Variants in TGFBR2 observed in about 807,000 individuals in gnomAD.
The protein encoded by TGFBR2 is transforming growth factor beta receptor 2.
In TGFBR2, 18 loss-of-function variants were observed where a neutral mutation model predicts 49.0. That is an observed-to-expected ratio of 0.37 (90% CI 0.25 to 0.54). TGFBR2 has a LOEUF of 0.54. Among genes scored for constraint, TGFBR2 ranks in the 20% least tolerant of loss-of-function variants. The probability of loss-of-function intolerance (pLI) is 0.85; values close to 1 mark genes in which losing one functional copy is unlikely to be tolerated. For synonymous variants in TGFBR2, 282 were observed against 275.9 expected, an observed-to-expected ratio of 1.02 and a Z score of -0.22; for missense variants, 525 against 722.6, an observed-to-expected ratio of 0.73 and a Z score of 3.13.
intron 3 of TGFBR2, among the ~76,000 whole-genome samples, chr3:30,657,408 G>T (rs76180082): frequency 2.0e-5 from 3 of 152,154 alleles, no homozygotes; most frequent in Non-Finnish European, 4.4e-5. Context: ...ATGCTCATCT[G>T]TTGGGAAGAC....
chr3:30,641,239 A>G (rs2125401657), intron 1 of TGFBR2, among the ~76,000 whole-genome samples: 1 of 152,262 alleles, frequency 6.6e-6, no homozygotes, highest in South Asian at 2.1e-4. Flanking sequence ...CCAACTCCAA[A>G]GTGTGTTCAT....
At chr3:30,657,075 G>T (rs1575150097) in intron 3 of TGFBR2, among the ~76,000 whole-genome samples, 1 of 152,210 alleles carries the variant, frequency 6.6e-6, no homozygotes, top group East Asian at 1.9e-4. Flanking sequence ...TGGGTCTCCA[G>T]AGAGGAGCTG....
chr3:30,675,877 G>A (rs1293999258), intron 5 of TGFBR2, among the ~76,000 whole-genome samples: 2 of 152,120 alleles, frequency 1.3e-5, no homozygotes, highest in African/African-American at 4.8e-5. Flanking sequence ...ATACGTATTT[G>A]TACTTCCAAG....
At chr3:30,654,334 G>T (rs1242863844) in intron 3 of TGFBR2, among the ~76,000 whole-genome samples, 1 of 152,180 alleles carries the variant, frequency 6.6e-6, no homozygotes, top group Non-Finnish European at 1.5e-5. Context: ...TAGAATGAAA[G>T]AGTTAAAGAA....
Position 30,672,197 on chromosome 3 carries a change from G to T in TGFBR2, c.1014G>T (p.Thr338=), listed in dbSNP as rs764720370. The T allele has an allele frequency of 6.2e-7, 1 of 1,612,286 alleles. No homozygotes were observed. Among genetic ancestry groups the T allele is most frequent in the East Asian group, 2.2e-5 (1 of 44,844 alleles). The change falls in exon 4 of 7, where the codon ACG becomes ACT. Residue 338 remains threonine, a synonymous_variant. Coordinates refer to ENST00000295754, the MANE Select transcript of TGFBR2 (RefSeq NM_003242.6). This position sits in a 1 kb window ranked among gnomAD's most constrained non-coding sequence, Gnocchi z 4.5. ...AGGGCAACCTACAGGAGTACCTGAC[G>T]CGGCATGTCATCAGCTGGGAGGACC... is the stretch of plus-strand genomic sequence containing the variant. ...HAKGNLQEYL[T]RHVISWEDLR...
At chr3:30,667,595 C>G (rs570382242) in intron 3 of TGFBR2, among the ~76,000 whole-genome samples, 94 of 152,232 alleles carry the variant, frequency 6.2e-4, no homozygotes, top group African/African-American at 2.2e-3. Flanking sequence ...CTGGGGATTT[C>G]TAGAATCTTC....
chr3:30,619,308 C>G (rs1019609144), intron 1 of TGFBR2, among the ~76,000 whole-genome samples: 1 of 152,208 alleles, frequency 6.6e-6, no homozygotes, highest in South Asian at 2.1e-4. Flanking sequence ...CTTATGGACA[C>G]CCTTTGTTCT....
At chr3:30,674,268 T>G (rs1265139695) in intron 5 of TGFBR2, 22 bp downstream of exon 5, 1 of 1,613,698 alleles carries the variant, frequency 6.2e-7, no homozygotes, top group Admixed American at 1.7e-5. Context: ...CCAGCATCAT[T>G]GTGTAGTGGT....
At chr3:30,620,048 G>T (rs879348853) in intron 1 of TGFBR2, among the ~76,000 whole-genome samples, 2 of 152,264 alleles carry the variant, frequency 1.3e-5, no homozygotes, top group Non-Finnish European at 2.9e-5. Context: ...TTAGCTGGGC[G>T]TGGTGGCGGG....
intron 1 of TGFBR2, among the ~76,000 whole-genome samples, chr3:30,638,859 G>A (rs1698590807): frequency 1.3e-5 from 2 of 152,186 alleles, no homozygotes; most frequent in East Asian, 1.9e-4. Flanking sequence ...CTTGTCTCAA[G>A]GGTCGGAGCT....
At chr3:30,655,047 T>C (rs1290430562) in intron 3 of TGFBR2, among the ~76,000 whole-genome samples, 1 of 152,228 alleles carries the variant, frequency 6.6e-6, no homozygotes, top group Admixed American at 6.5e-5. Flanking sequence ...GCCAGTGACT[T>C]GACATCTCCA....
At chr3:30,668,942 A>G (rs182912272) in intron 3 of TGFBR2, among the ~76,000 whole-genome samples, 17 of 152,056 alleles carry the variant, frequency 1.1e-4, no homozygotes, top group Non-Finnish European at 2.4e-4. Context: ...TTAAAAATGG[A>G]TATGTACCAG....
chr3:30,635,849 G>C (rs1271028171), intron 1 of TGFBR2, among the ~76,000 whole-genome samples: 1 of 152,146 alleles, frequency 6.6e-6, no homozygotes, highest in African/African-American at 2.4e-5. Flanking sequence ...AATTCCCTCA[G>C]TTGAACAAGT....
rs2229102 is a variant in TGFBR2 at position 30,672,182 on chromosome 3, A to G, written c.999A>G (p.Leu333=). The change falls in exon 4 of 7, where the codon CTA becomes CTG. Residue 333 remains leucine (L), a synonymous_variant. Transcript: ENST00000295754. This position sits in a 1 kb window ranked among gnomAD's most constrained non-coding sequence, Gnocchi z 4.5. ...LITAFHAKGN[L]QEYLTRHVIS... ...CCGCCTTCCACGCCAAGGGCAACCTACAGGAGTACCTGACGCGGCATGTCA... is the reference window on the plus strand; with the variant it reads ...CCGCCTTCCACGCCAAGGGCAACCTGCAGGAGTACCTGACGCGGCATGTCA... 4.6e-3 allele frequency: 7,393 copies of G among 1,613,610 alleles called. 273 individuals are homozygous for G. In the African/African-American group the frequency reaches 0.083, roughly 18 times the overall value.
intron 1 of TGFBR2, among the ~76,000 whole-genome samples, chr3:30,641,645 AGTGGGTGCTC>A (rs1698647803): frequency 6.6e-6 from 1 of 152,162 alleles, no homozygotes; most frequent in Non-Finnish European, 1.5e-5. Flanking sequence ...CCTCATATAC[AGTGGGTGCTC>A]AGCATGTGCA....
chr3:30,677,139 C>A, intron 5 of TGFBR2, among the ~76,000 whole-genome samples: 2 of 152,150 alleles, frequency 1.3e-5, no homozygotes, highest in Non-Finnish European at 2.9e-5. Context: ...CTTATTAAGG[C>A]CCTAGGTGAG....
At chr3:30,607,033 C>T in intron 1 of TGFBR2, 56 bp downstream of exon 1, 2 of 1,456,242 alleles carry the variant, frequency 1.4e-6, no homozygotes, top group East Asian at 2.5e-5. Flanking sequence ...CTGGGGTCCC[C>T]GCCTCTCCGC....
chr3:30,669,424 A>C (rs1005818270), intron 3 of TGFBR2, among the ~76,000 whole-genome samples: 2 of 152,088 alleles, frequency 1.3e-5, no homozygotes, highest in Admixed American at 6.5e-5. Context: ...GAGAAAGAGA[A>C]ACAATTCTCT....
At chr3:30,624,686 A>G (rs142204267) in intron 1 of TGFBR2, among the ~76,000 whole-genome samples, 23 of 152,298 alleles carry the variant, frequency 1.5e-4, no homozygotes, top group Middle Eastern at 6.8e-3. Context: ...AAGCTAAGCT[A>G]TACTTCTGCT....
Sources: gnomAD v4.1 joint callset for allele counts (sites outside exome capture counted in the v4.1 genomes callset) on GRCh38, gnomAD v4.1.1 for gene constraint, Gnocchi (gnomAD v3.1) non-coding constraint, MANE v1.5 for transcripts, NCBI Gene and HGNC (gene_info 2026-07-23, HGNC 2026-07-21) for gene names.